The following COP1 variants were observed in gnomAD, a reference collection of about 807,000 sequenced individuals.
COP1 encodes E3 ubiquitin-protein ligase COP1.
COP1 carries 24 observed loss-of-function variants against 101.3 expected under a neutral mutation model. The observed-to-expected ratio is 0.24, with a 90% CI of 0.17 to 0.33. The LOEUF is 0.33. COP1 is among the 10% of genes least tolerant of loss of function. The pLI is 1.00. For missense variants in COP1, 663 were observed against 906.2 expected, an observed-to-expected ratio of 0.73 and a Z score of 3.45; for synonymous variants, 347 against 341.9, an observed-to-expected ratio of 1.01 and a Z score of -0.17.
intron 9 of COP1, among the ~76,000 whole-genome samples, chr1:176,105,163 G>A (rs1182100001): frequency 2.0e-5 from 3 of 152,114 alleles, no homozygotes; most frequent in Non-Finnish European, 4.4e-5. Context: ...AAAAGATGGA[G>A]GTAGGGAAAT....
chr1:176,159,494 C>T (rs538562092), intron 5 of COP1, among the ~76,000 whole-genome samples: 1 of 152,128 alleles, frequency 6.6e-6, no homozygotes, highest in African/African-American at 2.4e-5. Context: ...TGCACACATA[C>T]CCTAATGCGA....
chr1:176,203,901 T>A (rs1252134215), intron 1 of COP1, among the ~76,000 whole-genome samples: 3 of 152,156 alleles, frequency 2.0e-5, no homozygotes. Flanking sequence ...CAGGTCCCTA[T>A]CACCAGGGGA....
chr1:176,110,075 G>C (rs1685015441), intron 9 of COP1, among the ~76,000 whole-genome samples: 1 of 151,962 alleles, frequency 6.6e-6, no homozygotes, highest in Admixed American at 6.6e-5. Flanking sequence ...CTCTTTTCTA[G>C]ACTGCCTGTC....
Position 175,949,168 on chromosome 1 carries a change from C to CAAAAAAAAAAAAA in COP1, c.2134-1942_2134-1930dup, listed in dbSNP as rs56280543. The stretch of plus-strand genomic sequence containing the variant: ...GAGAGACTCCAGCAAGGCTCCGTCT[C>CAAAAAAAAAAAAA]AAAAAAAAAAAAAAAAAAAAAAAAT... On this transcript the variant is annotated intron_variant, in intron 18 of 19. Transcript: ENST00000367669. Among the ~76,000 whole-genome samples, 47 of 43,148 alleles carry CAAAAAAAAAAAAA rather than the reference C, an allele frequency of 1.1e-3. 4 individuals are homozygous for CAAAAAAAAAAAAA. Among genetic ancestry groups the CAAAAAAAAAAAAA allele is most frequent in the African/African-American group, 2.3e-3 (22 of 9,712 alleles). The allele number at this position is 43,148 out of a possible 152,430, so 28.3% of individuals were successfully genotyped here.
intron 18 of COP1, among the ~76,000 whole-genome samples, chr1:175,973,118 C>T (rs1416739910): frequency 1.3e-5 from 2 of 152,226 alleles, no homozygotes; most frequent in Non-Finnish European, 2.9e-5. Flanking sequence ...AGGCGTGAAC[C>T]ACCCCATCTG....
At chr1:175,983,644 A>C (rs1354586780) in intron 18 of COP1, among the ~76,000 whole-genome samples, 1 of 152,216 alleles carries the variant, frequency 6.6e-6, no homozygotes, top group East Asian at 1.9e-4. Context: ...AGGTTGGAAC[A>C]GTTTAGAGGG....
chr1:175,983,777 G>A (rs1280356580), intron 18 of COP1, among the ~76,000 whole-genome samples: 5 of 152,216 alleles, frequency 3.3e-5, no homozygotes, highest in African/African-American at 1.2e-4. Context: ...AGATGGAGAT[G>A]AGGAACTTGC....
rs111531764 is a variant in COP1 at position 176,163,221 on chromosome 1, C to A, written c.643-233G>T. Among the ~76,000 whole-genome samples the A allele has an allele frequency of 2.6e-3, 398 of 152,172 alleles. 3 individuals are homozygous for A. The highest frequency in any genetic ancestry group is 9.2e-3 in the African/African-American group (380 of 41,520). ...TTTAGATAACAAATATAAAAGGTGC[C>A]TTTGAGACTATTCTAAAGCTGTAAT... is the stretch of plus-strand genomic sequence containing the variant. On this transcript the variant is annotated intron_variant, in intron 4 of 19. Coordinates refer to ENST00000367669, the MANE Select transcript of COP1 (RefSeq NM_022457.7).
chr1:176,173,324 G>GAAAAAAAAAAAAAAAAAA (rs11396126), intron 3 of COP1, among the ~76,000 whole-genome samples: 3 of 93,744 alleles, frequency 3.2e-5, no homozygotes, highest in South Asian at 4.1e-4. Context: ...AAAACAAAAT[G>GAAAAAAAAAAAAAAAAAA]AAAAAAAAAA....
intron 15 of COP1, among the ~76,000 whole-genome samples, chr1:176,010,337 C>T (rs1664438607): frequency 6.6e-6 from 1 of 152,114 alleles, no homozygotes; most frequent in Non-Finnish European, 1.5e-5. Flanking sequence ...ATATACAATG[C>T]ATCCTATATT....
At chr1:176,049,859 C>A (rs1241282973) in intron 11 of COP1, among the ~76,000 whole-genome samples, 7 of 152,000 alleles carry the variant, frequency 4.6e-5, no homozygotes, top group African/African-American at 9.7e-5. Context: ...ATCTGATAAC[C>A]CAAGCAAAAG....
At chr1:176,072,829 A>G (rs1677242364) in intron 11 of COP1, among the ~76,000 whole-genome samples, 1 of 152,202 alleles carries the variant, frequency 6.6e-6, no homozygotes, top group Non-Finnish European at 1.5e-5. Context: ...GTGACATCTA[A>G]GGTGCAGAAT....
At chr1:176,120,831 C>G (rs1686997313) in intron 8 of COP1, among the ~76,000 whole-genome samples, 1 of 152,042 alleles carries the variant, frequency 6.6e-6, no homozygotes, top group South Asian at 2.1e-4. Context: ...TTTAGACTAG[C>G]CTTTTATATT....
chr1:175,995,311 C>T (rs1260675272), intron 15 of COP1, among the ~76,000 whole-genome samples: 1 of 152,176 alleles, frequency 6.6e-6, no homozygotes, highest in Non-Finnish European at 1.5e-5. Context: ...CCAAAATTGA[C>T]ACCCTAACAT....
At chr1:176,082,718 T>C (rs994213649) in intron 10 of COP1, among the ~76,000 whole-genome samples, 1 of 151,222 alleles carries the variant, frequency 6.6e-6, no homozygotes, top group African/African-American at 2.4e-5. Context: ...GGCAGGAGAA[T>C]AGCTTGAACC....
At chr1:175,949,160 C>G (rs573276048) in intron 18 of COP1, among the ~76,000 whole-genome samples, 1 of 15,790 alleles carries the variant, frequency 6.3e-5, no homozygotes, top group African/African-American at 1.5e-4. Context: ...TCCAGCAAGG[C>G]TCCGTCTCAA....
chr1:176,196,471 T>C (rs914390886), intron 1 of COP1, among the ~76,000 whole-genome samples: 13 of 152,170 alleles, frequency 8.5e-5, no homozygotes, highest in African/African-American at 2.4e-4. Context: ...GGGTATATTA[T>C]TATTATGCCA....
At chr1:176,079,897 G>T (rs1435831390) in intron 11 of COP1, among the ~76,000 whole-genome samples, 2 of 151,908 alleles carry the variant, frequency 1.3e-5, no homozygotes, top group Admixed American at 1.3e-4. Context: ...GCTGGGTGCA[G>T]TTGTAGTCCC....
chr1:176,082,417 G>A (rs1025501781), intron 10 of COP1, among the ~76,000 whole-genome samples: 1 of 152,126 alleles, frequency 6.6e-6, no homozygotes, highest in Non-Finnish European at 1.5e-5. Flanking sequence ...ATAATATAAT[G>A]CACAGTAAAG....
Sources: allele counts gnomAD v4.1 joint callset (sites outside exome capture counted in the v4.1 genomes callset), GRCh38; gene constraint gnomAD v4.1.1; transcripts MANE v1.5; gene names NCBI Gene and HGNC (gene_info 2026-07-23, HGNC 2026-07-21).